FCGRT: variants seen among roughly 807,000 people sequenced by gnomAD.
FCGRT encodes IgG receptor FcRn large subunit p51.
A neutral mutation model predicts 35.7 loss-of-function variants in FCGRT; 13 were observed. That is an observed-to-expected ratio of 0.36 (90% CI 0.24 to 0.58). The LOEUF (loss-of-function observed/expected upper bound fraction) is 0.58, where lower values mean the gene tolerates loss of function less well. Ranked by LOEUF, FCGRT falls within the 20% of genes least tolerant of loss-of-function variation. FCGRT has a pLI of 0.77. For missense variants in FCGRT, 455 were observed against 474.9 expected (o/e 0.96, Z 0.39); for synonymous variants, 233 against 216.5 (o/e 1.08, Z -0.67).
chr19:49,520,130 CT>C (rs952631701), intron 4 of FCGRT, among the ~76,000 whole-genome samples: 1,728 of 99,502 alleles, frequency 0.017, 30 homozygotes, highest in African/African-American at 0.06. Context: ...CGCGCCCGGG[CT>C]TTTTTTTTTT....
At position 49,524,724 on chromosome 19, in the gene FCGRT, C is replaced by T; in HGVS notation, c.819C>T (p.Tyr273=). Residue 273 remains tyrosine (Y), a synonymous_variant, in exon 5 of 7, where the codon TAC becomes TAT. Transcript: ENST00000221466. ...TCAAAAGTGGCGATGAGCACCACTA[C>T]TGCTGCATTGTGCAGCACGCGGGGC... ...LTVKSGDEHH[Y]CCIVQHAGLA... 1 of 1,602,252 alleles carries T rather than the reference C, an allele frequency of 6.2e-7. No individual in the cohort carries two copies. The highest frequency in any genetic ancestry group is 1.3e-5 in the African/African-American group (1 of 75,062).
At position 49,524,508 on chromosome 19, in the gene FCGRT, GC is replaced by G; in HGVS notation, c.609del (p.Ser204ProfsTer4). ...GCCTGTCTGCCTGATTTCCTGCAGAGCCCCCCTCCATGCGCCTGAAGGCCCG... is the reference window on the plus strand; with the variant it reads ...GCCTGTCTGCCTGATTTCCTGCAGAGCCCCCTCCATGCGCCTGAAGGCCCG... Reference protein sequence around the residue: ...RGRGNLEWKEPPSMRLKARPS... With the variant: ...RGRGNLEWKEXPSMRLKARPS... On this transcript the variant is annotated frameshift_variant and splice_region_variant, in exon 5 of 7. Transcript: ENST00000221466. LOFTEE classifies it high-confidence loss of function. 6.2e-7 allele frequency: 1 copy of G among 1,605,216 alleles called. No homozygotes were observed.
At chr19:49,519,826 C>CTTT (rs57437959) in intron 4 of FCGRT, among the ~76,000 whole-genome samples, 61 of 116,834 alleles carry the variant, frequency 5.2e-4, no homozygotes, top group Non-Finnish European at 7.0e-4. Context: ...TTGCCTTAAT[C>CTTT]TTTTTTTTTT....
rs895711984 is a variant in FCGRT, at chr19:49,513,399, G to C, written c.-2G>C. The C allele has an allele frequency of 5.0e-6, 6 of 1,200,506 alleles. No homozygotes were observed. The highest frequency in any genetic ancestry group is 6.2e-6 in the Non-Finnish European group (6 of 960,062). 74.4% of individuals were successfully genotyped at this position (1,200,506 alleles called of 1,614,324 possible). A position where few individuals can be genotyped will look rare whatever the true frequency, so the allele number is the denominator to read the frequency against. On this transcript the variant is annotated 5_prime_UTR_variant, in exon 2 of 7. Transcript: ENST00000221466. ...CCTCCCGCCCCAGGTCGTCCTCTCAGCATGGGGGTCCCGCGGCCTCAGCCC... is the reference window on the plus strand; with the variant it reads ...CCTCCCGCCCCAGGTCGTCCTCTCACCATGGGGGTCCCGCGGCCTCAGCCC...
chr19:49,523,696 T>C (rs2080055575), intron 4 of FCGRT, among the ~76,000 whole-genome samples: 1 of 151,768 alleles, frequency 6.6e-6, no homozygotes, highest in Non-Finnish European at 1.5e-5. Flanking sequence ...CCGTCTCTAC[T>C]AAAAATACAA....
Position 49,526,001 on chromosome 19 carries a change from T to C in FCGRT, c.989-9T>C. The C allele has an allele frequency of 3.8e-6, 6 of 1,573,130 alleles. No individual in the cohort carries two copies. The highest frequency in any genetic ancestry group is 5.2e-6 in the Non-Finnish European group (6 of 1,143,392). ...TTCTGATGACCTCTCCCTCTCTCTC[T>C]CTCCTCAGCCCCTTGGATCTCCCTT... On this transcript the variant is annotated splice_polypyrimidine_tract_variant and intron_variant, in intron 6 of 6. Transcript: ENST00000221466.
chr19:49,513,582 G>T, intron 2 of FCGRT, 109 bp downstream of exon 2: 1 of 589,622 alleles, frequency 1.7e-6, no homozygotes, highest in Admixed American at 4.2e-5. Context: ...AGCCCCTGGC[G>T]CTGCCTTCTC....
chr19:49,525,260 G>A (rs1225967365), intron 5 of FCGRT, 197 bp from the exon 6 acceptor site: 4 of 585,740 alleles, frequency 6.8e-6, no homozygotes, highest in South Asian at 3.5e-5. Context: ...GACCGCGGCC[G>A]CTCGTGCTGT....
rs761660729 is a variant in FCGRT, at chr19:49,524,754, G to C, written c.849G>C (p.Ala283=). 6.2e-7 allele frequency: 1 copy of C among 1,600,488 alleles called. No homozygotes were observed. Among genetic ancestry groups the C allele is most frequent in the Non-Finnish European group, 8.5e-7 (1 of 1,179,554 alleles). The change falls in exon 5 of 7, where the codon GCG becomes GCC. Residue 283 remains alanine (A), a synonymous_variant. Coordinates refer to ENST00000221466, the MANE Select transcript of FCGRT (RefSeq NM_001136019.3). ...YCCIVQHAGL[A]QPLRVELESP... is the part of the protein sequence containing the mutation. Reference sequence around the variant, plus strand: ...GCATTGTGCAGCACGCGGGGCTGGCGCAGCCCCTCAGGGTGGAGCTGGGTG... The same window carrying C: ...GCATTGTGCAGCACGCGGGGCTGGCCCAGCCCCTCAGGGTGGAGCTGGGTG...
At chr19:49,519,479 G>T (rs902610375) in intron 4 of FCGRT, among the ~76,000 whole-genome samples, 2 of 151,396 alleles carry the variant, frequency 1.3e-5, no homozygotes, top group Non-Finnish European at 2.9e-5. Context: ...TTTTCTTTTT[G>T]TTTTTTTTCC....
chr19:49,514,716 G>A (rs1262505943), intron 4 of FCGRT, among the ~76,000 whole-genome samples: 2 of 146,682 alleles, frequency 1.4e-5, no homozygotes, highest in African/African-American at 5.1e-5. Flanking sequence ...TTTGTGAGAC[G>A]GAGTTTCGCT....
In FCGRT at chr19:49,525,468, A is replaced by G; in HGVS notation, c.883A>G (p.Lys295Glu). 1 of 1,613,530 alleles carries G rather than the reference A, an allele frequency of 6.2e-7. No individual in the cohort carries two copies. Among genetic ancestry groups the G allele is most frequent in the African/African-American group, 1.3e-5 (1 of 75,034 alleles). ...PLRVELESPA[K>E]SSVLVVGIVI... ...TTCTCTGGCTGCAGAATCTCCAGCCAAGTCCTCCGTGCTCGTGGTGGGAAT... is the reference window on the plus strand; with the variant it reads ...TTCTCTGGCTGCAGAATCTCCAGCCGAGTCCTCCGTGCTCGTGGTGGGAAT... Residue 295 changes from lysine to glutamate, a missense_variant, in exon 6 of 7, where the codon AAG (lysine) becomes GAG (glutamate). Lys to Glu is a moderately conservative substitution (Grantham distance 56). This residue lies in a region of FCGRT where 312 missense variants were observed against 296.1 expected (regional missense o/e 1.05). Coordinates refer to ENST00000221466, the MANE Select transcript of FCGRT (RefSeq NM_001136019.3).
intron 1 of FCGRT, 40 bp from the exon 2 acceptor site, chr19:49,513,347 C>G: frequency 1.0e-6 from 1 of 990,222 alleles, no homozygotes; most frequent in Non-Finnish European, 1.3e-6. Context: ...AAGGGGCGGG[C>G]CGGGGGTCGG....
chr19:49,522,635 T>C (rs1442381251), intron 4 of FCGRT, among the ~76,000 whole-genome samples: 3 of 151,178 alleles, frequency 2.0e-5, no homozygotes, highest in Non-Finnish European at 3.0e-5. Flanking sequence ...GATTTCACCA[T>C]GTTGGTCAGG....
chr19:49,521,047 A>G (rs1261467850), intron 4 of FCGRT: 4 of 152,350 alleles, frequency 2.6e-5, no homozygotes, highest in Non-Finnish European at 5.9e-5. Flanking sequence ...AGTTGCTGAA[A>G]TCTTTGCCTT....
At position 49,513,491 on chromosome 19, in the gene FCGRT, C is replaced by G. The variant is rs59774409; in HGVS notation, c.73+18C>G. On this transcript the variant is annotated intron_variant, in intron 2 of 6. Transcript: ENST00000221466. ...GGGCGCAGGTGAGGGCCGCTCCGGG[C>G]CAGGGCCCTGCTGCAGGCGGGCGGC... 2.4e-6 allele frequency: 3 copies of G among 1,239,402 alleles called. No individual in the cohort carries two copies. Among genetic ancestry groups the G allele is most frequent in the Non-Finnish European group, 3.0e-6 (3 of 985,664 alleles). The allele number at this position is 1,239,402 out of a possible 1,614,324, so 76.8% of individuals were successfully genotyped here.
At chr19:49,524,206 C>A (rs903783347) in intron 4 of FCGRT, among the ~76,000 whole-genome samples, 4 of 151,944 alleles carry the variant, frequency 2.6e-5, no homozygotes, top group Non-Finnish European at 5.9e-5. Flanking sequence ...GGGGTTTCAC[C>A]ATGTTGGCCA....
At position 49,517,348 on chromosome 19, in the gene FCGRT, G is replaced by A. The variant is rs188358599; in HGVS notation, c.601+2862G>A. ...TCTACTAAACATACAAAAATTAGCC[G>A]GGTGCGGTGGTGGGTGCTTGTAATT... On this transcript the variant is annotated intron_variant, in intron 4 of 6. Coordinates refer to ENST00000221466, the MANE Select transcript of FCGRT (RefSeq NM_001136019.3). 2.4e-3 allele frequency among the ~76,000 whole-genome samples: 369 copies of A among 152,094 alleles called. 2 individuals carry two copies. Among genetic ancestry groups the A allele is most frequent in the Middle Eastern group, 6.8e-3 (2 of 294 alleles).
intron 1 of FCGRT, chr19:49,513,124 G>A (rs1169077245): frequency 1.1e-5 from 3 of 276,768 alleles, no homozygotes; most frequent in Non-Finnish European, 2.0e-5. Context: ...GGGAGGAGGG[G>A]CTGGGGCCTG....
Sources: gnomAD v4.1 joint callset for allele counts (sites outside exome capture counted in the v4.1 genomes callset) on GRCh38, gnomAD v4.1.1 for gene constraint, gnomAD v4.1.1 regional missense constraint, MANE v1.5 for transcripts, NCBI Gene and HGNC (gene_info 2026-07-23, HGNC 2026-07-21) for gene names.